Variants in MLIP observed in about 807,000 individuals in gnomAD.
MLIP encodes muscular LMNA-interacting protein.
Under a neutral mutation model 84.8 loss-of-function variants are expected in MLIP, and 79 were observed. That is an observed-to-expected ratio of 0.93 (90% CI 0.78 to 1.12). The LOEUF (loss-of-function observed/expected upper bound fraction) is 1.12. Among genes scored for constraint, MLIP ranks in the 50% most tolerant of loss-of-function variants. The pLI is 0.00. For synonymous variants in MLIP, 504 were observed against 463.0 expected, an observed-to-expected ratio of 1.09 and a Z score of -1.14; for missense variants, 1,257 against 1,160.6, an observed-to-expected ratio of 1.08 and a Z score of -1.21.
At chr6:54,134,072 GGT>G (rs1480616065) in intron 3 of MLIP, among the ~76,000 whole-genome samples, 1 of 152,002 alleles carries the variant, frequency 6.6e-6, no homozygotes, top group East Asian at 1.9e-4. Flanking sequence ...CAACATAGAG[GGT>G]TATGAATGGT....
intron 1 of MLIP, among the ~76,000 whole-genome samples, chr6:54,075,247 CAAAAAAA>C (rs35589839): frequency 2.1e-5 from 2 of 93,894 alleles, no homozygotes. Context: ...AACTCCGTCT[CAAAAAAA>C]AAAAAAAAAA....
Position 54,121,621 on chromosome 6 carries a change from T to C in MLIP, c.252+19T>C. On this transcript the variant is annotated intron_variant, in intron 2 of 13. Coordinates refer to ENST00000502396, the MANE Select transcript of MLIP (RefSeq NM_001281747.2). Reference sequence around the variant, plus strand: ...AAATAGGGTAGGATTATTTTTATTCTTTTTTAATTTCAAACAATTATATTA... The same window carrying C: ...AAATAGGGTAGGATTATTTTTATTCCTTTTTAATTTCAAACAATTATATTA... The C allele has an allele frequency of 1.3e-6, 2 of 1,516,216 alleles. No individual in the cohort carries two copies. The highest frequency in any genetic ancestry group is 1.8e-6 in the Non-Finnish European group (2 of 1,121,932). The allele number at this position is 1,516,216 out of a possible 1,614,324, so 93.9% of individuals were successfully genotyped here.
intron 9 of MLIP, among the ~76,000 whole-genome samples, chr6:54,183,743 G>GTTTTTTTT (rs3996970): frequency 2.6e-5 from 3 of 116,736 alleles, no homozygotes; most frequent in Admixed American, 1.0e-4. Flanking sequence ...GACAGGGTAA[G>GTTTTTTTT]TTTTTTTTTT....
chr6:54,050,289 A>G (rs1765301275), intron 1 of MLIP, among the ~76,000 whole-genome samples: 1 of 152,180 alleles, frequency 6.6e-6, no homozygotes, highest in African/African-American at 2.4e-5. Context: ...ATGAAAACAC[A>G]TATAGTATTT....
intron 1 of MLIP, among the ~76,000 whole-genome samples, chr6:54,096,270 A>G (rs962770304): frequency 7.9e-5 from 12 of 152,182 alleles, no homozygotes; most frequent in Admixed American, 2.0e-4. Context: ...AATACATTCA[A>G]TTGAAGAGTT....
chr6:54,104,745 T>C (rs1457265666), intron 1 of MLIP, among the ~76,000 whole-genome samples: 1 of 152,112 alleles, frequency 6.6e-6, no homozygotes, highest in African/African-American at 2.4e-5. Flanking sequence ...TCTTCTTTTC[T>C]TACATTCATC....
chr6:54,031,035 T>A (rs946965898), intron 1 of MLIP, among the ~76,000 whole-genome samples: 1 of 152,186 alleles, frequency 6.6e-6, no homozygotes, highest in African/African-American at 2.4e-5. Context: ...TTATGCAAAG[T>A]GGAATGCTTC....
intron 11 of MLIP, among the ~76,000 whole-genome samples, chr6:54,211,377 T>G (rs1376249521): frequency 2.0e-5 from 3 of 152,086 alleles, no homozygotes; most frequent in Admixed American, 1.3e-4. Flanking sequence ...TAGGTCTCCA[T>G]GAATTGCATG....
Position 54,137,068 on chromosome 6 carries a change from C to T in MLIP, c.999C>T (p.Thr333=). 1 of 1,536,122 alleles carries T rather than the reference C, an allele frequency of 6.5e-7. No individual in the cohort carries two copies. The highest frequency in any genetic ancestry group is 8.7e-7 in the Non-Finnish European group (1 of 1,146,904). ...TSEVLKKTTL[T]SHVLSHGESP... is the part of the protein sequence containing the mutation. The stretch of plus-strand genomic sequence containing the variant: ...AAGTTCTCAAGAAGACAACTTTAAC[C>T]TCGCATGTCCTTAGTCACGGAGAAA... The change falls in exon 4 of 14, where the codon ACC becomes ACT. Residue 333 remains threonine, a synonymous_variant. Coordinates refer to ENST00000502396, the MANE Select transcript of MLIP (RefSeq NM_001281747.2).
rs1465190854 is a variant in MLIP, at chr6:54,252,672, T to G, written c.2923-4636T>G. ...GTGGGGACTATGTTTATATGAGATC[T>G]TTAGCTTCATCTAAAAGGCACAGGC... is the stretch of plus-strand genomic sequence containing the variant. On this transcript the variant is annotated intron_variant, in intron 12 of 13. Coordinates refer to ENST00000502396, the MANE Select transcript of MLIP (RefSeq NM_001281747.2). Among the ~76,000 whole-genome samples the G allele has an allele frequency of 2.0e-5, 3 of 151,598 alleles. No homozygotes were observed. The East Asian group carries it at 5.8e-4, about 29-fold the overall frequency.
chr6:54,085,618 T>A (rs9464021), intron 1 of MLIP, among the ~76,000 whole-genome samples: 9,610 of 152,208 alleles, frequency 0.063, 351 homozygotes, highest in African/African-American at 0.095. Context: ...GATTAAAGGG[T>A]GGAAGCCCAG....
At chr6:54,195,793 T>C (rs979664272) in intron 10 of MLIP, among the ~76,000 whole-genome samples, 1 of 152,128 alleles carries the variant, frequency 6.6e-6, no homozygotes, top group Admixed American at 6.6e-5. Context: ...TCAGATATAA[T>C]ATCCTCTTCT....
chr6:54,153,689 A>G (rs1248837537), intron 5 of MLIP, among the ~76,000 whole-genome samples: 1 of 151,926 alleles, frequency 6.6e-6, no homozygotes, highest in Non-Finnish European at 1.5e-5. Context: ...TTCTACTGAT[A>G]ATACAAAAAA....
chr6:54,124,442 C>T, intron 2 of MLIP, 31 bp from the exon 3 acceptor site: 1 of 1,563,584 alleles, frequency 6.4e-7, no homozygotes, highest in Non-Finnish European at 8.7e-7. Context: ...AAACTAATGT[C>T]AATGCTTTTA....
At chr6:54,152,617 G>A (rs907576465) in intron 5 of MLIP, among the ~76,000 whole-genome samples, 5 of 152,108 alleles carry the variant, frequency 3.3e-5, no homozygotes, top group Admixed American at 1.3e-4. Flanking sequence ...CACAACACAT[G>A]GGAATTCTGG....
intron 1 of MLIP, among the ~76,000 whole-genome samples, chr6:54,094,809 T>G (rs180704652): frequency 5.9e-5 from 9 of 152,246 alleles, no homozygotes; most frequent in African/African-American, 1.9e-4. Context: ...TTCTCAGTTA[T>G]AAATTCACAA....
intron 12 of MLIP, among the ~76,000 whole-genome samples, chr6:54,250,872 A>T (rs1782427397): frequency 6.6e-6 from 1 of 152,066 alleles, no homozygotes; most frequent in Non-Finnish European, 1.5e-5. Context: ...TTTAGGTTAG[A>T]TTCATCTATT....
chr6:54,194,126 A>G (rs951541587), intron 10 of MLIP, among the ~76,000 whole-genome samples: 12 of 152,208 alleles, frequency 7.9e-5, no homozygotes, highest in Non-Finnish European at 1.6e-4. Flanking sequence ...CTGGAACACT[A>G]TTAAGAAGAG....
intron 1 of MLIP, among the ~76,000 whole-genome samples, chr6:54,052,827 T>A (rs1198861921): frequency 6.6e-6 from 1 of 152,172 alleles, no homozygotes; most frequent in Non-Finnish European, 1.5e-5. Flanking sequence ...CAGAGCTGAA[T>A]CTCTATTGGT....
Sources: allele counts gnomAD v4.1 joint callset (sites outside exome capture counted in the v4.1 genomes callset), GRCh38; gene constraint gnomAD v4.1.1; transcripts MANE v1.5; gene names NCBI Gene and HGNC (gene_info 2026-07-23, HGNC 2026-07-21).